GPHN: variants seen among roughly 807,000 people sequenced by gnomAD.
GPHN encodes the protein gephyrin.
GPHN carries 17 observed loss-of-function variants against 95.5 expected under a neutral mutation model. That is an observed-to-expected ratio of 0.18 (90% confidence interval 0.12 to 0.27). The LOEUF (loss-of-function observed/expected upper bound fraction) is 0.27, where lower values mean the gene tolerates loss of function less well. Ranked by LOEUF, GPHN falls within the 10% of genes least tolerant of loss-of-function variation. GPHN has a pLI of 1.00. For missense variants in GPHN, 660 were observed against 978.1 expected (o/e 0.67, Z 4.34); for synonymous variants, 320 against 322.5 (o/e 0.99, Z 0.08).
intron 8 of GPHN, among the ~76,000 whole-genome samples, chr14:66,954,589 G>A (rs759462878): frequency 9.2e-5 from 14 of 152,082 alleles, no homozygotes; most frequent in Non-Finnish European, 1.5e-4. Context: ...ATAGTTCTAC[G>A]TCCTTTCCAA....
the GPHN span, among the ~76,000 whole-genome samples, chr14:67,512,386 C>A: frequency 6.6e-6 from 1 of 152,236 alleles, no homozygotes; most frequent in Non-Finnish European, 1.5e-5. Context: ...ACATGAGAAT[C>A]CTGTCTGATA....
chr14:67,368,570 CAG>C, the GPHN span, among the ~76,000 whole-genome samples: 1 of 152,120 alleles, frequency 6.6e-6, no homozygotes, highest in African/African-American at 2.4e-5. Flanking sequence ...GCTAAGAAAA[CAG>C]AATACTGTTT....
At chr14:67,384,052 T>C in the GPHN span, 1 of 156,168 alleles carries the variant, frequency 6.4e-6, no homozygotes, top group Non-Finnish European at 1.4e-5. Context: ...AGTTGACCCT[T>C]AGCGGGACAA....
chr14:66,955,552 T>G (rs1398381047), intron 8 of GPHN, among the ~76,000 whole-genome samples: 1 of 152,204 alleles, frequency 6.6e-6, no homozygotes, highest in Non-Finnish European at 1.5e-5. Flanking sequence ...TTGTTATTAC[T>G]TTTATTTTTT....
chr14:67,198,094 A>C, the GPHN span: 10 of 1,541,762 alleles, frequency 6.5e-6, 2 homozygotes, highest in Admixed American at 2.1e-5. Flanking sequence ...TTATGATATT[A>C]AATTCTCTCT....
intron 1 of GPHN, among the ~76,000 whole-genome samples, chr14:66,562,456 A>G (rs145902732): frequency 2.0e-4 from 31 of 152,282 alleles, no homozygotes; most frequent in African/African-American, 6.5e-4. Flanking sequence ...TTATTTGTCA[A>G]TTGTACCTTA....
At chr14:67,160,135 T>C (rs1047360289) in intron 19 of GPHN, among the ~76,000 whole-genome samples, 7 of 152,162 alleles carry the variant, frequency 4.6e-5, no homozygotes, top group African/African-American at 1.7e-4. Flanking sequence ...GTGTATTTGT[T>C]TGTTAAGTCT....
chr14:66,661,103 T>C (rs1053455096), intron 1 of GPHN, among the ~76,000 whole-genome samples: 1 of 152,184 alleles, frequency 6.6e-6, no homozygotes, highest in African/African-American at 2.4e-5. Context: ...GGGCGGGAGC[T>C]TGGACATCCA....
intron 9 of GPHN, among the ~76,000 whole-genome samples, chr14:67,002,557 A>C (rs763869585): frequency 6.6e-6 from 1 of 151,280 alleles, no homozygotes; most frequent in Non-Finnish European, 1.5e-5. Context: ...TCAATTTAAC[A>C]TACTGTTTAA....
chr14:67,711,272 A>G, the GPHN span, among the ~76,000 whole-genome samples: 46 of 152,326 alleles, frequency 3.0e-4, 1 homozygote, highest in African/African-American at 1.1e-3. Context: ...CTGAGTTTAT[A>G]GTTTTCTAAT....
chr14:67,176,381 A>G (rs1352815231), intron 21 of GPHN, among the ~76,000 whole-genome samples: 16 of 152,320 alleles, frequency 1.1e-4, no homozygotes, highest in Admixed American at 7.2e-4. Flanking sequence ...GATTACGTCT[A>G]TTGATTTGCA....
At chr14:67,382,812 A>G in the GPHN span, 3 of 541,824 alleles carry the variant, frequency 5.5e-6, no homozygotes, top group African/African-American at 1.9e-5. Flanking sequence ...TGCATGTGGC[A>G]TGTCTAAAAT....
chr14:67,592,753 T>A, the GPHN span: 2 of 1,232,384 alleles, frequency 1.6e-6, no homozygotes, highest in Non-Finnish European at 2.4e-6. Context: ...AAAGTCTAAG[T>A]GAAACTCATT....
the GPHN span, among the ~76,000 whole-genome samples, chr14:67,297,136 T>C: frequency 6.6e-6 from 1 of 152,150 alleles, no homozygotes; most frequent in African/African-American, 2.4e-5. Context: ...CAGAAACCAA[T>C]AGCATCTTCC....
chr14:66,894,493 T>A (rs902497190), intron 5 of GPHN, among the ~76,000 whole-genome samples: 20 of 152,144 alleles, frequency 1.3e-4, no homozygotes, highest in African/African-American at 4.1e-4. Context: ...AATGGCAACA[T>A]AAGCAAAATT....
intron 3 of GPHN, among the ~76,000 whole-genome samples, chr14:66,820,507 G>A (rs887633934): frequency 6.6e-6 from 1 of 152,068 alleles, no homozygotes; most frequent in African/African-American, 2.4e-5. Flanking sequence ...TTCCATTTCA[G>A]TGTGCCTTCG....
chr14:67,131,455 G>A (rs935306939), intron 17 of GPHN, among the ~76,000 whole-genome samples: 1 of 152,074 alleles, frequency 6.6e-6, no homozygotes, highest in African/African-American at 2.4e-5. Flanking sequence ...ATGAAACCTA[G>A]AAACTTTCAA....
the GPHN span, among the ~76,000 whole-genome samples, chr14:67,636,649 C>G: frequency 1.3e-5 from 2 of 152,234 alleles, no homozygotes; most frequent in African/African-American, 4.8e-5. Flanking sequence ...TCTTGTTCCA[C>G]TCTGATAGAG....
intron 4 of GPHN, among the ~76,000 whole-genome samples, chr14:66,877,894 C>A (rs1346307482): frequency 6.6e-6 from 1 of 151,906 alleles, no homozygotes; most frequent in Non-Finnish European, 1.5e-5. Context: ...TAATATGGAA[C>A]CAAAAAGAGC....
Sources: allele counts gnomAD v4.1 joint callset (sites outside exome capture counted in the v4.1 genomes callset), GRCh38; gene constraint gnomAD v4.1.1; transcripts MANE v1.5; gene names NCBI Gene and HGNC (gene_info 2026-07-23, HGNC 2026-07-21).